Variants in ZNF385D observed in about 807,000 individuals in gnomAD.
ZNF385D encodes the protein zinc finger protein 659.
ZNF385D carries 15 observed loss-of-function variants against 35.8 expected under a neutral mutation model. The ratio of observed to expected loss-of-function variants is 0.42; its 90% confidence interval spans 0.28 to 0.64. ZNF385D has a LOEUF of 0.64. ZNF385D is among the 30% of genes least tolerant of loss of function. ZNF385D has a pLI of 0.23. For missense variants in ZNF385D, 474 were observed against 494.6 expected (o/e 0.96, Z 0.39); for synonymous variants, 212 against 186.8 (o/e 1.13, Z -1.10).
At chr3:22,337,081 A>T (rs905919872) in intron 2 of ZNF385D, among the ~76,000 whole-genome samples, 3 of 151,968 alleles carry the variant, frequency 2.0e-5, no homozygotes, top group African/African-American at 7.2e-5. Context: ...AATAAAAATT[A>T]TATATTTAGT....
chr3:21,518,648 T>G (rs1707727045), intron 3 of ZNF385D, among the ~76,000 whole-genome samples: 1 of 152,194 alleles, frequency 6.6e-6, no homozygotes, highest in African/African-American at 2.4e-5. Context: ...GTCTAGTTTT[T>G]TTCCTTATAT....
intron 2 of ZNF385D, among the ~76,000 whole-genome samples, chr3:22,300,015 A>C (rs1271245440): frequency 6.6e-6 from 1 of 152,034 alleles, no homozygotes; most frequent in Non-Finnish European, 1.5e-5. Flanking sequence ...TCTTGAGCAC[A>C]AAGAACAAAG....
At chr3:22,120,956 A>G (rs1311624418) in intron 3 of ZNF385D, among the ~76,000 whole-genome samples, 2 of 152,278 alleles carry the variant, frequency 1.3e-5, no homozygotes, top group African/African-American at 4.8e-5. Flanking sequence ...ACCAAGTTGT[A>G]TTTTTCTTCT....
chr3:21,703,724 TG>T lies in ZNF385D; in HGVS notation c.23-38697del, dbSNP rs2067785115. On this transcript the variant is annotated intron_variant, in intron 1 of 7. Transcript: ENST00000281523. ...CACCACTGTAGTTCTTTTTTCATGTTGGCTCATGAAGCTGGCCATTATGCTG... is the reference window on the plus strand; with the variant it reads ...CACCACTGTAGTTCTTTTTTCATGTTGCTCATGAAGCTGGCCATTATGCTG... Among the ~76,000 whole-genome samples, 11 of 152,278 alleles carry T rather than the reference TG, an allele frequency of 7.2e-5. No homozygotes were observed. The South Asian group carries it at 2.3e-3, about 32-fold the overall frequency.
chr3:21,454,839 C>T (rs760124182), intron 4 of ZNF385D, among the ~76,000 whole-genome samples: 69 of 152,130 alleles, frequency 4.5e-4, no homozygotes, highest in Middle Eastern at 3.4e-3. Flanking sequence ...TCTAGAAAAC[C>T]CCATTGTCTA....
intron 2 of ZNF385D, among the ~76,000 whole-genome samples, chr3:22,248,541 C>T (rs573693591): frequency 5.3e-5 from 8 of 151,788 alleles, no homozygotes; most frequent in African/African-American, 1.9e-4. Flanking sequence ...AAAAATTGGG[C>T]CTCTCTAAAT....
At chr3:21,686,205 G>A (rs2067098950) in intron 1 of ZNF385D, among the ~76,000 whole-genome samples, 1 of 152,112 alleles carries the variant, frequency 6.6e-6, no homozygotes, top group Non-Finnish European at 1.5e-5. Flanking sequence ...GTACAAATGT[G>A]TACTCAAATC....
At chr3:21,992,861 T>C (rs1559828701) in intron 3 of ZNF385D, among the ~76,000 whole-genome samples, 1 of 152,172 alleles carries the variant, frequency 6.6e-6, no homozygotes, top group Non-Finnish European at 1.5e-5. Context: ...GTGTAAATCT[T>C]AGTATGCATA....
intron 2 of ZNF385D, among the ~76,000 whole-genome samples, chr3:22,299,243 G>T (rs1229960237): frequency 6.6e-6 from 1 of 151,720 alleles, no homozygotes; most frequent in Non-Finnish European, 1.5e-5. Flanking sequence ...TTTATATAAT[G>T]ATTATAGCTA....
At chr3:22,272,967 C>T (rs1192128262) in intron 2 of ZNF385D, among the ~76,000 whole-genome samples, 1 of 151,688 alleles carries the variant, frequency 6.6e-6, no homozygotes, top group Non-Finnish European at 1.5e-5. Context: ...TTTTCACTTT[C>T]ATATTTATTA....
intron 3 of ZNF385D, among the ~76,000 whole-genome samples, chr3:21,824,270 C>T (rs528315311): frequency 1.2e-4 from 18 of 152,130 alleles, no homozygotes; most frequent in Non-Finnish European, 2.5e-4. Context: ...GACATATCTA[C>T]GTGTTTGATA....
At chr3:22,294,283 T>A (rs554925719) in intron 2 of ZNF385D, among the ~76,000 whole-genome samples, 8 of 152,036 alleles carry the variant, frequency 5.3e-5, no homozygotes, top group Non-Finnish European at 1.2e-4. Flanking sequence ...TCCCCACAAT[T>A]TGCCTCTCCT....
intron 3 of ZNF385D, among the ~76,000 whole-genome samples, chr3:21,858,160 A>G (rs1696838929): frequency 6.6e-6 from 1 of 150,976 alleles, no homozygotes; most frequent in African/African-American, 2.4e-5. Flanking sequence ...AGTCTATCAA[A>G]AAAAAAAAAA....
At chr3:21,443,173 C>A in intron 4 of ZNF385D, 15 of 985,304 alleles carry the variant, frequency 1.5e-5, no homozygotes, top group Non-Finnish European at 1.8e-5. Flanking sequence ...TTGCAGGGTA[C>A]CTGATTTGGG....
intron 2 of ZNF385D, among the ~76,000 whole-genome samples, chr3:21,580,299 G>T (rs1357016785): frequency 3.9e-5 from 6 of 152,172 alleles, no homozygotes; most frequent in African/African-American, 1.4e-4. Flanking sequence ...AGGAATTAAA[G>T]TGTTCAGAGA....
intron 2 of ZNF385D, among the ~76,000 whole-genome samples, chr3:21,663,107 G>A (rs997134499): frequency 1.3e-5 from 2 of 151,840 alleles, no homozygotes; most frequent in Non-Finnish European, 2.9e-5. Flanking sequence ...AACACACAAC[G>A]CTGCCTTTGC....
At chr3:21,878,833 T>C (rs1477375145) in intron 3 of ZNF385D, among the ~76,000 whole-genome samples, 1 of 152,096 alleles carries the variant, frequency 6.6e-6, no homozygotes, top group Non-Finnish European at 1.5e-5. Context: ...TTTTCAACTA[T>C]ATATCACAGC....
At chr3:22,217,880 G>T (rs964064123) in intron 2 of ZNF385D, among the ~76,000 whole-genome samples, 1 of 152,058 alleles carries the variant, frequency 6.6e-6, no homozygotes, top group African/African-American at 2.4e-5. Flanking sequence ...TCTCCAACTT[G>T]CAGGAAAGGG....
chr3:21,447,806 TACTC>T (rs995126139), intron 4 of ZNF385D, among the ~76,000 whole-genome samples: 6 of 152,262 alleles, frequency 3.9e-5, no homozygotes, highest in East Asian at 1.9e-4. Flanking sequence ...AGGACACAAA[TACTC>T]ACTCTAGAAT....
Sources: allele counts gnomAD v4.1 joint callset (sites outside exome capture counted in the v4.1 genomes callset), GRCh38; gene constraint gnomAD v4.1.1; transcripts MANE v1.5; gene names NCBI Gene and HGNC (gene_info 2026-07-23, HGNC 2026-07-21).